GARIN5B: variants seen among roughly 807,000 people sequenced by gnomAD.
The protein encoded by GARIN5B is Golgi-associated RAB2 interactor protein 5B.
chr19:55,356,735 C>T, the GARIN5B span, among the ~76,000 whole-genome samples: 2 of 152,078 alleles, frequency 1.3e-5, no homozygotes, highest in Non-Finnish European at 2.9e-5. Flanking sequence ...AGTTCCAGGG[C>T]ATTTGTATCA....
the GARIN5B span, among the ~76,000 whole-genome samples, chr19:55,357,430 C>G: frequency 1.3e-5 from 2 of 152,208 alleles, no homozygotes; most frequent in Non-Finnish European, 2.9e-5. Flanking sequence ...CCGGGATCCC[C>G]GTGGTCCAGC....
the GARIN5B span, chr19:55,358,856 C>T: frequency 6.5e-7 from 1 of 1,547,454 alleles, no homozygotes; most frequent in Non-Finnish European, 8.7e-7. Flanking sequence ...CTTGACCCAT[C>T]TCTTCCGCTG....
the GARIN5B span, chr19:55,355,026 G>A: frequency 8.3e-5 from 23 of 276,702 alleles, 1 homozygote; most frequent in Admixed American, 1.2e-3. Context: ...TCTACCAGAG[G>A]GGGCAAATCC....
At chr19:55,360,640 C>T in the GARIN5B span, 1 of 1,538,382 alleles carries the variant, frequency 6.5e-7, no homozygotes. Flanking sequence ...AGGCCTCCAG[C>T]CCCTCCTCCC....
chr19:55,355,432 T>C, the GARIN5B span: 14 of 1,394,238 alleles, frequency 1.0e-5, no homozygotes, highest in Non-Finnish European at 1.4e-5. Flanking sequence ...TGCAGATGCC[T>C]GGCTTAGGAG....
chr19:55,360,830 G>A, the GARIN5B span: 6 of 1,547,860 alleles, frequency 3.9e-6, no homozygotes, highest in Admixed American at 7.9e-5. Context: ...ACTGTGGCAA[G>A]GGGTGGGGTG....
chr19:55,356,196 A>G, the GARIN5B span, among the ~76,000 whole-genome samples: 1 of 151,470 alleles, frequency 6.6e-6, no homozygotes, highest in Non-Finnish European at 1.5e-5. Context: ...ACATGGCGAA[A>G]CCCCATCTCT....
chr19:55,362,259 T>A, the GARIN5B span: 5 of 1,535,032 alleles, frequency 3.3e-6, no homozygotes, highest in East Asian at 7.3e-5. Context: ...AGGTGCCAGG[T>A]GGAGGCAGGC....
the GARIN5B span, chr19:55,362,798 C>T: frequency 3.0e-5 from 45 of 1,491,538 alleles, no homozygotes; most frequent in Non-Finnish European, 4.0e-5. Context: ...CTGAGCCTCC[C>T]TCCTGATCGT....
chr19:55,362,027 G>A, the GARIN5B span, among the ~76,000 whole-genome samples: 2 of 145,288 alleles, frequency 1.4e-5, no homozygotes, highest in African/African-American at 2.6e-5. Flanking sequence ...CGACTCAGGG[G>A]TCCAGGCCCC....
the GARIN5B span, chr19:55,358,991 C>T: frequency 6.4e-7 from 1 of 1,551,248 alleles, no homozygotes; most frequent in Middle Eastern, 1.7e-4. Context: ...CTTGGTTTGG[C>T]TAATCAGGAT....
At chr19:55,362,080 T>C in the GARIN5B span, among the ~76,000 whole-genome samples, 11,742 of 135,176 alleles carry the variant, frequency 0.087, 555 homozygotes, top group Middle Eastern at 0.16. Context: ...GCCCCCAGCA[T>C]CTCCTCCCTC....
At chr19:55,359,006 T>C in the GARIN5B span, 36 of 1,551,066 alleles carry the variant, frequency 2.3e-5, no homozygotes, top group Non-Finnish European at 2.9e-5. Flanking sequence ...CAGGATGTCC[T>C]TGGACTCCTT....
At chr19:55,362,556 G>A in the GARIN5B span, 20 of 1,530,340 alleles carry the variant, frequency 1.3e-5, no homozygotes, top group Admixed American at 9.9e-5. Flanking sequence ...GGGGGCGGCC[G>A]AGGGGTTGGG....
At chr19:55,355,122 G>T in the GARIN5B span, 158 of 412,746 alleles carry the variant, frequency 3.8e-4, no homozygotes, top group Non-Finnish European at 6.2e-4. Flanking sequence ...AAAGAGCAGC[G>T]GTGGGGTCCG....
the GARIN5B span, chr19:55,359,159 C>A: frequency 6.4e-7 from 1 of 1,551,200 alleles, no homozygotes; most frequent in Non-Finnish European, 8.7e-7. Flanking sequence ...TCCAGGAATT[C>A]CTGTTGGCAA....
chr19:55,354,938 G>A, the GARIN5B span: 1 of 226,636 alleles, frequency 4.4e-6, no homozygotes, highest in Non-Finnish European at 8.8e-6. Context: ...TAATCTCTGC[G>A]AAGTTGGGCG....
At chr19:55,362,523 G>A in the GARIN5B span, 3 of 1,530,724 alleles carry the variant, frequency 2.0e-6, no homozygotes, top group Admixed American at 2.0e-5. Context: ...GGAGAGGGGA[G>A]CGTCTAGAGC....
the GARIN5B span, among the ~76,000 whole-genome samples, chr19:55,357,233 C>T: frequency 2.0e-5 from 3 of 152,176 alleles, no homozygotes; most frequent in Non-Finnish European, 4.4e-5. Flanking sequence ...CAGGTGCCCA[C>T]TCTTGCCCCC....
Sources: allele counts gnomAD v4.1 joint callset (sites outside exome capture counted in the v4.1 genomes callset), GRCh38; gene constraint gnomAD v4.1.1; transcripts MANE v1.5; gene names NCBI Gene and HGNC (gene_info 2026-07-23, HGNC 2026-07-21).